OR9Q1: variants seen among roughly 807,000 people sequenced by gnomAD.
OR9Q1 encodes the protein olfactory receptor 9Q1.
For synonymous variants in OR9Q1, 153 were observed against 148.6 expected, an observed-to-expected ratio of 1.03 and a Z score of -0.22; for missense variants, 374 against 378.8, an observed-to-expected ratio of 0.99 and a Z score of 0.11.
At chr11:58,044,198 G>C (rs2122802) in intron 1 of OR9Q1, 141,511 of 152,248 alleles carry the variant, frequency 0.93, 65,979 homozygotes, top group South Asian at 0.97. Flanking sequence ...TTTTGGTCTC[G>C]ACTTCCCTGG....
intron 2 of OR9Q1, among the ~76,000 whole-genome samples, chr11:58,149,305 T>C (rs1040929402): frequency 6.6e-6 from 1 of 152,164 alleles, no homozygotes; most frequent in Admixed American, 6.6e-5. Context: ...AGCTACTATA[T>C]GCTGGGAACT....
chr11:58,158,818 C>T (rs1185130874), intron 2 of OR9Q1, among the ~76,000 whole-genome samples: 1 of 152,204 alleles, frequency 6.6e-6, no homozygotes, highest in East Asian at 1.9e-4. Context: ...TAGCCACATT[C>T]TGTCATGTGG....
intron 2 of OR9Q1, among the ~76,000 whole-genome samples, chr11:58,100,923 T>A (rs1022619945): frequency 6.6e-6 from 1 of 152,142 alleles, no homozygotes. Context: ...CACAGAAAGA[T>A]AACTATCACA....
intron 2 of OR9Q1, among the ~76,000 whole-genome samples, chr11:58,111,460 T>C (rs368195754): frequency 1.8e-4 from 28 of 152,372 alleles, no homozygotes; most frequent in African/African-American, 6.0e-4. Context: ...TATACATTGC[T>C]GTGGCTCATC....
intron 2 of OR9Q1, among the ~76,000 whole-genome samples, chr11:58,170,187 G>A (rs899882007): frequency 2.6e-5 from 4 of 152,100 alleles, no homozygotes; most frequent in African/African-American, 9.7e-5. Flanking sequence ...TTCTAAAAAT[G>A]AGACGAGGAC....
intron 2 of OR9Q1, among the ~76,000 whole-genome samples, chr11:58,095,213 TA>T (rs1853718673): frequency 6.6e-6 from 1 of 152,240 alleles, no homozygotes. Flanking sequence ...CATTTATACC[TA>T]AAAGCCTGCC....
intron 1 of OR9Q1, among the ~76,000 whole-genome samples, chr11:58,025,670 T>A (rs1019784741): frequency 6.6e-6 from 1 of 152,216 alleles, no homozygotes; most frequent in African/African-American, 2.4e-5. Context: ...CAGATATTCA[T>A]TCCGTTGGGT....
intron 2 of OR9Q1, among the ~76,000 whole-genome samples, chr11:58,100,512 G>A (rs1253234542): frequency 6.6e-6 from 1 of 151,994 alleles, no homozygotes; most frequent in Non-Finnish European, 1.5e-5. Context: ...TTAAAAATTT[G>A]AAAAAGCAGT....
chr11:58,109,342 C>A (rs1434787253), intron 2 of OR9Q1: 1 of 460,140 alleles, frequency 2.2e-6, no homozygotes, highest in African/African-American at 2.0e-5. Flanking sequence ...TGTGCCTGCA[C>A]ATATGGTGAA....
intron 2 of OR9Q1, among the ~76,000 whole-genome samples, chr11:58,073,922 G>A (rs1853514211): frequency 6.6e-6 from 1 of 152,134 alleles, no homozygotes; most frequent in African/African-American, 2.4e-5. Context: ...CTATTCCTGT[G>A]TTAGTTTGCT....
chr11:58,163,657 C>T (rs1376303200), intron 2 of OR9Q1, among the ~76,000 whole-genome samples: 2 of 152,174 alleles, frequency 1.3e-5, no homozygotes, highest in Admixed American at 1.3e-4. Flanking sequence ...TGATGAAGTG[C>T]CTGATTCCAG....
intron 2 of OR9Q1, among the ~76,000 whole-genome samples, chr11:58,095,138 C>G (rs1473600937): frequency 6.6e-6 from 1 of 152,244 alleles, no homozygotes; most frequent in Non-Finnish European, 1.5e-5. Flanking sequence ...GTAGCAAGAG[C>G]TTTCAAACTA....
At chr11:58,140,621 G>A (rs1854237879) in intron 2 of OR9Q1, among the ~76,000 whole-genome samples, 1 of 152,080 alleles carries the variant, frequency 6.6e-6, no homozygotes, top group African/African-American at 2.4e-5. Flanking sequence ...ATTTCTGAGG[G>A]CTCCGTTCTG....
At chr11:58,164,864 G>A (rs1307051513) in intron 2 of OR9Q1, among the ~76,000 whole-genome samples, 1 of 152,164 alleles carries the variant, frequency 6.6e-6, no homozygotes, top group Non-Finnish European at 1.5e-5. Flanking sequence ...TCTCGCCTCA[G>A]AGCCCTTGCA....
chr11:58,102,418 A>T (rs1297370573), intron 2 of OR9Q1, among the ~76,000 whole-genome samples: 1 of 152,006 alleles, frequency 6.6e-6, no homozygotes, highest in African/African-American at 2.4e-5. Flanking sequence ...TCACTTCCAG[A>T]TGTAGGACTC....
chr11:58,111,410 A>G (rs1218595936), intron 2 of OR9Q1, among the ~76,000 whole-genome samples: 8 of 152,150 alleles, frequency 5.3e-5, no homozygotes, highest in African/African-American at 1.9e-4. Flanking sequence ...GGAGTTTCCT[A>G]TTGTTTTAAA....
intron 2 of OR9Q1, among the ~76,000 whole-genome samples, chr11:58,139,920 T>C (rs886402604): frequency 1.3e-5 from 2 of 151,788 alleles, no homozygotes; most frequent in South Asian, 2.1e-4. Context: ...AGTGTTCCTA[T>C]TTCTCCACAT....
At chr11:58,075,213 A>C (rs562181994) in intron 2 of OR9Q1, among the ~76,000 whole-genome samples, 1 of 152,282 alleles carries the variant, frequency 6.6e-6, no homozygotes, top group South Asian at 2.1e-4. Flanking sequence ...GGCCATTTTC[A>C]TGATATTGAT....
chr11:58,031,747 G>T (rs1220448519), intron 1 of OR9Q1: 1 of 1,613,948 alleles, frequency 6.2e-7, no homozygotes, highest in Non-Finnish European at 8.5e-7. Flanking sequence ...TGTATGTCCA[G>T]ACCAAGGTGA....
Sources: gnomAD v4.1 joint callset for allele counts (sites outside exome capture counted in the v4.1 genomes callset) on GRCh38, gnomAD v4.1.1 for gene constraint, MANE v1.5 for transcripts, NCBI Gene and HGNC (gene_info 2026-07-23, HGNC 2026-07-21) for gene names.